DGKI: variants seen among roughly 807,000 people sequenced by gnomAD.
DGKI encodes diacylglycerol kinase iota.
A neutral mutation model predicts 147.5 loss-of-function variants in DGKI; 55 were observed. The observed-to-expected ratio is 0.37, with a 90% CI of 0.30 to 0.47. The LOEUF (loss-of-function observed/expected upper bound fraction) is 0.47, where lower values mean the gene tolerates loss of function less well. Ranked by LOEUF, DGKI falls within the 20% of genes least tolerant of loss-of-function variation. DGKI has a pLI of 1.00. For synonymous variants in DGKI, 469 were observed against 477.1 expected (o/e 0.98, Z 0.22); for missense variants, 1,007 against 1,323.8 (o/e 0.76, Z 3.71).
intron 1 of DGKI, among the ~76,000 whole-genome samples, chr7:137,803,455 G>A (rs1463996525): frequency 6.6e-6 from 1 of 152,184 alleles, no homozygotes; most frequent in Non-Finnish European, 1.5e-5. Flanking sequence ...CCTATCCACT[G>A]ATTTCACATT....
chr7:137,760,911 G>A (rs571078357), intron 1 of DGKI, among the ~76,000 whole-genome samples: 2 of 152,078 alleles, frequency 1.3e-5, no homozygotes, highest in Admixed American at 6.5e-5. Flanking sequence ...TTCCCTTTAG[G>A]CTGTTCTGCA....
At chr7:137,811,364 C>CCTCT (rs879359264) in intron 1 of DGKI, among the ~76,000 whole-genome samples, 104 of 137,800 alleles carry the variant, frequency 7.5e-4, no homozygotes, top group South Asian at 1.9e-3. Flanking sequence ...TCTCTCTCTC[C>CCTCT]CTCTCTCTCT....
intron 3 of DGKI, among the ~76,000 whole-genome samples, chr7:137,663,576 T>A (rs2116307295): frequency 6.6e-6 from 1 of 151,924 alleles, no homozygotes; most frequent in Admixed American, 6.6e-5. Context: ...TGTACAGGAG[T>A]CACTGGGCTC....
At chr7:137,523,235 C>A (rs548564208) in intron 20 of DGKI, among the ~76,000 whole-genome samples, 2 of 152,130 alleles carry the variant, frequency 1.3e-5, no homozygotes, top group South Asian at 4.1e-4. Flanking sequence ...GACACAGACA[C>A]ACACCCATTT....
chr7:137,602,447 G>T (rs936596306), intron 10 of DGKI, among the ~76,000 whole-genome samples: 1 of 152,152 alleles, frequency 6.6e-6, no homozygotes, highest in Non-Finnish European at 1.5e-5. Flanking sequence ...TGCATAGCCA[G>T]GCATGGCTAC....
At chr7:137,637,475 G>A (rs968280106) in intron 6 of DGKI, among the ~76,000 whole-genome samples, 9 of 152,318 alleles carry the variant, frequency 5.9e-5, no homozygotes, top group Admixed American at 2.6e-4. Context: ...TTAACCAGCT[G>A]AAACTAATAA....
intron 1 of DGKI, among the ~76,000 whole-genome samples, chr7:137,797,185 A>C (rs1585504666): frequency 6.6e-6 from 1 of 152,350 alleles, no homozygotes; most frequent in South Asian, 2.1e-4. Context: ...GTCAGCAAGA[A>C]GACCAAATCT....
chr7:137,738,407 A>G (rs113006752), intron 1 of DGKI, among the ~76,000 whole-genome samples: 2 of 152,288 alleles, frequency 1.3e-5, no homozygotes, highest in African/African-American at 2.4e-5. Flanking sequence ...AAGAGCATTT[A>G]TAAGAAGGAT....
rs542180117 is a variant in DGKI at position 137,522,571 on chromosome 7, G to A, written c.2148-605C>T. 3.9e-5 allele frequency among the ~76,000 whole-genome samples: 6 copies of A among 152,140 alleles called. No individual in the cohort carries two copies. The South Asian group carries it at 1.0e-3, about 26-fold the overall frequency. Reference sequence around the variant, plus strand: ...AAAATGAAGAAAAATGTTTAAATATGTACAGTGTCCTTTCTTTAGGAAGAG... The same window carrying A: ...AAAATGAAGAAAAATGTTTAAATATATACAGTGTCCTTTCTTTAGGAAGAG... On this transcript the variant is annotated intron_variant, in intron 20 of 32. Coordinates refer to ENST00000614521, the MANE Select transcript of DGKI (RefSeq NM_001321708.2).
chr7:137,609,396 A>G, intron 9 of DGKI, 139 bp downstream of exon 9: 1 of 660,842 alleles, frequency 1.5e-6, no homozygotes, highest in Non-Finnish European at 2.6e-6. Context: ...AAAGAATCCT[A>G]TTGTGGTTAG....
rs1554488531 is a variant in DGKI at position 137,843,795 on chromosome 7, A to ACACACACC, written c.401+2666_401+2667insGGTGTGTG. On this transcript the variant is annotated intron_variant, in intron 1 of 32. Coordinates refer to ENST00000614521, the MANE Select transcript of DGKI (RefSeq NM_001321708.2). The stretch of plus-strand genomic sequence containing the variant: ...CACACACACACACACACACACACAC[A>ACACACACC]CCCTCTCTCCCAAAGCCCCCTTCTT... 9.0e-4 allele frequency among the ~76,000 whole-genome samples: 128 copies of ACACACACC among 141,892 alleles called. 1 individual carries two copies. The East Asian group carries it at 9.9e-3, about 11-fold the overall frequency. 93.1% of individuals were successfully genotyped at this position (141,892 alleles called of 152,430 possible).
intron 1 of DGKI, chr7:137,722,038 G>T: frequency 6.3e-7 from 1 of 1,588,086 alleles, no homozygotes; most frequent in Non-Finnish European, 8.5e-7. Flanking sequence ...GAAACCTGAA[G>T]CCAAGAAGGC....
intron 8 of DGKI, among the ~76,000 whole-genome samples, chr7:137,618,742 G>A (rs993126144): frequency 2.6e-5 from 4 of 151,762 alleles, no homozygotes; most frequent in African/African-American, 4.8e-5. Flanking sequence ...TATCACCTTG[G>A]GTAACTCATT....
At chr7:137,774,784 A>T (rs1368782222) in intron 1 of DGKI, 1 of 152,216 alleles carries the variant, frequency 6.6e-6, no homozygotes, top group Non-Finnish European at 1.5e-5. Context: ...CCTGTGAGCA[A>T]CCCTTCTCTT....
chr7:137,642,858 A>G (rs988049759), intron 6 of DGKI, among the ~76,000 whole-genome samples: 24 of 143,224 alleles, frequency 1.7e-4, no homozygotes, highest in South Asian at 1.6e-3. Context: ...CATCAGTTGG[A>G]AAAAAAAAAA....
intron 13 of DGKI, among the ~76,000 whole-genome samples, chr7:137,586,291 G>T (rs1819393293): frequency 6.6e-6 from 1 of 152,050 alleles, no homozygotes; most frequent in Admixed American, 6.6e-5. Context: ...AGCTGCACAG[G>T]GTGGCGGGCA....
In DGKI at chr7:137,599,956, G is replaced by A. The variant is rs573050121; in HGVS notation, c.1168-51C>T. The A allele has an allele frequency of 8.3e-5, 117 of 1,405,680 alleles. No homozygotes were observed. In the Admixed American group the frequency reaches 2.0e-3, roughly 24 times the overall value. The allele number at this position is 1,405,680 out of a possible 1,614,324, so 87.1% of individuals were successfully genotyped here. ...GCAATAATAGGAAGAAATTTCCCAA[G>A]AATAACTGCTCATTTAAAAAATAAA... On this transcript the variant is annotated intron_variant, in intron 10 of 32. Transcript: ENST00000614521.
intron 8 of DGKI, among the ~76,000 whole-genome samples, chr7:137,615,527 ATGTATGTGTGTGTGTG>A (rs1563113114): frequency 7.3e-6 from 1 of 137,412 alleles, no homozygotes; most frequent in Non-Finnish European, 1.5e-5. Flanking sequence ...GTGTATATGT[ATGTATGTGTGTGTGTG>A]TGTGTGTGTG....
Position 137,688,455 on chromosome 7 carries a change from C to T in DGKI, c.510+1439G>A, listed in dbSNP as rs117855231. On this transcript the variant is annotated intron_variant, in intron 2 of 32. Transcript: ENST00000614521. ...GATTATCCCCATCTACAGATGAGGA[C>T]GTTGAAGCTGAAAGAAATCAGTGAC... 3.8e-3 allele frequency among the ~76,000 whole-genome samples: 581 copies of T among 152,284 alleles called. 2 individuals are homozygous for T. The highest frequency in any genetic ancestry group is 6.0e-3 in the Non-Finnish European group (410 of 68,004).
Sources: allele counts gnomAD v4.1 joint callset (sites outside exome capture counted in the v4.1 genomes callset), GRCh38; gene constraint gnomAD v4.1.1; transcripts MANE v1.5; gene names NCBI Gene and HGNC (gene_info 2026-07-23, HGNC 2026-07-21).